Variants in LGR5 observed in about 807,000 individuals in gnomAD.
LGR5 encodes leucine rich repeat containing G protein-coupled receptor 5, also known as leucine-rich repeat-containing G protein-coupled receptor 5.
LGR5 carries 54 observed loss-of-function variants against 76.7 expected under a neutral mutation model. That is an observed-to-expected ratio of 0.70 (90% confidence interval 0.57 to 0.88). The LOEUF is 0.88. Among genes scored for constraint, LGR5 ranks in the 40% least tolerant of loss-of-function variants. LGR5 has a pLI of 0.00. For missense variants in LGR5, 1,078 were observed against 1,073.3 expected, an observed-to-expected ratio of 1.00 and a Z score of -0.06; for synonymous variants, 406 against 421.9, an observed-to-expected ratio of 0.96 and a Z score of 0.46.
intron 1 of LGR5, among the ~76,000 whole-genome samples, chr12:71,503,863 T>C (rs1417978569): frequency 6.6e-6 from 1 of 152,160 alleles, no homozygotes; most frequent in African/African-American, 2.4e-5. Context: ...TGTGGGGTTA[T>C]GTAAGAGACA....
chr12:71,463,633 C>A, intron 1 of LGR5, among the ~76,000 whole-genome samples: 1 of 152,116 alleles, frequency 6.6e-6, no homozygotes, highest in East Asian at 1.9e-4. Context: ...GTCCGTCTCT[C>A]CAAATCCCTA....
chr12:71,506,478 A>G (rs947019974), intron 2 of LGR5, among the ~76,000 whole-genome samples: 2 of 152,176 alleles, frequency 1.3e-5, no homozygotes, highest in Non-Finnish European at 2.9e-5. Context: ...TTAAAAAGAT[A>G]GTTGAAAAAA....
chr12:71,473,581 C>T (rs1052947865), intron 1 of LGR5, among the ~76,000 whole-genome samples: 5 of 151,414 alleles, frequency 3.3e-5, no homozygotes, highest in Admixed American at 1.3e-4. Flanking sequence ...CAAGACCAAC[C>T]GGGGCAACAT....
chr12:71,498,002 C>T (rs916927674), intron 1 of LGR5, among the ~76,000 whole-genome samples: 3 of 151,820 alleles, frequency 2.0e-5, no homozygotes, highest in Non-Finnish European at 2.9e-5. Context: ...TGATAGGAAA[C>T]ATACTTCAGA....
chr12:71,471,913 A>C (rs939567323), intron 1 of LGR5, among the ~76,000 whole-genome samples: 1 of 152,234 alleles, frequency 6.6e-6, no homozygotes, highest in South Asian at 2.1e-4. Flanking sequence ...GAGGGAAAAA[A>C]ACAACATATT....
intron 1 of LGR5, among the ~76,000 whole-genome samples, chr12:71,466,927 A>C (rs774517131): frequency 3.9e-5 from 6 of 152,104 alleles, no homozygotes; most frequent in Non-Finnish European, 8.8e-5. Context: ...AGTGATAATG[A>C]GAGTTACCAA....
In LGR5 at chr12:71,566,424, TC is replaced by T; in HGVS notation, c.880del (p.Gln294SerfsTer14). The part of the protein sequence containing the change: ...LITIHFYDNP[I>X]QFVGRSAFQH... ...TTTAGACATTTCTATGACAATCCCA[TC>T]CAGTTTGTTGGGAGATCTGCTTTTC... On this transcript the variant is annotated frameshift_variant, in exon 9 of 18. Transcript: ENST00000266674. LOFTEE classifies it high-confidence loss of function. 6.2e-7 allele frequency: 1 copy of T among 1,601,056 alleles called. No homozygotes were observed. Among genetic ancestry groups the T allele is most frequent in the Non-Finnish European group, 8.6e-7 (1 of 1,168,464 alleles).
chr12:71,524,107 T>C (rs1875860431), intron 2 of LGR5, among the ~76,000 whole-genome samples: 2 of 152,236 alleles, frequency 1.3e-5, no homozygotes, highest in Non-Finnish European at 2.9e-5. Context: ...TCATATGGTG[T>C]TAGCATTTGC....
intron 13 of LGR5, among the ~76,000 whole-genome samples, chr12:71,574,474 G>A (rs17109890): frequency 0.11 from 16,016 of 151,758 alleles, 1,106 homozygotes; most frequent in African/African-American, 0.18. Context: ...CTCCTCTACC[G>A]CAGGCCCATT....
chr12:71,565,234 A>C (rs1037241962), intron 8 of LGR5, among the ~76,000 whole-genome samples: 1 of 151,858 alleles, frequency 6.6e-6, no homozygotes, highest in Non-Finnish European at 1.5e-5. Context: ...CACATGCATT[A>C]GCTCTTTTAA....
chr12:71,510,396 C>T (rs1339173233), intron 2 of LGR5, among the ~76,000 whole-genome samples: 1 of 152,066 alleles, frequency 6.6e-6, no homozygotes, highest in Non-Finnish European at 1.5e-5. Context: ...ACAATGAAGC[C>T]ACTGTTTTGA....
intron 1 of LGR5, among the ~76,000 whole-genome samples, chr12:71,483,834 G>C (rs1214510331): frequency 6.6e-6 from 1 of 152,112 alleles, no homozygotes; most frequent in East Asian, 1.9e-4. Flanking sequence ...TATGACTACT[G>C]TGGAAACATT....
intron 1 of LGR5, among the ~76,000 whole-genome samples, chr12:71,453,780 G>A (rs182333764): frequency 1.1e-3 from 161 of 151,662 alleles, no homozygotes; most frequent in African/African-American, 3.5e-3. Context: ...ATGGGCTTGT[G>A]TCTACCTGAA....
intron 8 of LGR5, among the ~76,000 whole-genome samples, chr12:71,562,586 T>C (rs1314610554): frequency 6.6e-6 from 1 of 152,134 alleles, no homozygotes; most frequent in African/African-American, 2.4e-5. Flanking sequence ...AAGGATAAAA[T>C]AGAGTTACAA....
chr12:71,571,201 A>T (rs1878596157), intron 11 of LGR5: 1 of 182,048 alleles, frequency 5.5e-6, no homozygotes, highest in African/African-American at 2.3e-5. Flanking sequence ...ACAATTATTT[A>T]ATTTAATTTG....
At chr12:71,504,388 C>T (rs1470158922) in intron 1 of LGR5, among the ~76,000 whole-genome samples, 2 of 152,058 alleles carry the variant, frequency 1.3e-5, no homozygotes, top group African/African-American at 4.8e-5. Context: ...ATTTTGAATT[C>T]CATGTAAGTT....
At chr12:71,505,123 C>T (rs1291315909) in intron 2 of LGR5, among the ~76,000 whole-genome samples, 1 of 152,190 alleles carries the variant, frequency 6.6e-6, no homozygotes, top group African/African-American at 2.4e-5. Flanking sequence ...TTGCATAGCA[C>T]CAAAACTTCT....
chr12:71,489,145 G>C (rs959869960), intron 1 of LGR5, among the ~76,000 whole-genome samples: 3 of 152,114 alleles, frequency 2.0e-5, no homozygotes, highest in Admixed American at 1.3e-4. Flanking sequence ...GCAGGTGATG[G>C]AAATATACCA....
rs144479170 is a variant in LGR5 at position 71,454,198 on chromosome 12, G to A, written c.212+13906G>A. On this transcript the variant is annotated intron_variant, in intron 1 of 17. Transcript: ENST00000266674. ...TCCCATAACTGATGAAATCAAGAGA[G>A]CAGGTCTGGAAAAAACAAGGGAAAT... is the stretch of plus-strand genomic sequence containing the variant. 3.2e-4 allele frequency among the ~76,000 whole-genome samples: 48 copies of A among 151,848 alleles called. 1 individual carries two copies. In the East Asian group the frequency reaches 8.9e-3, roughly 28 times the overall value.
Sources: gnomAD v4.1 joint callset for allele counts (sites outside exome capture counted in the v4.1 genomes callset) on GRCh38, gnomAD v4.1.1 for gene constraint, MANE v1.5 for transcripts, NCBI Gene and HGNC (gene_info 2026-07-23, HGNC 2026-07-21) for gene names.